Variants in ZCCHC4 observed in about 807,000 individuals in gnomAD.
ZCCHC4 encodes rRNA N(6)-adenosine-methyltransferase ZCCHC4.
ZCCHC4 carries 54 observed loss-of-function variants against 67.7 expected under a neutral mutation model. The ratio of observed to expected loss-of-function variants is 0.80; its 90% CI spans 0.64 to 1.00. ZCCHC4 has a LOEUF of 1.00. Ranked by LOEUF, ZCCHC4 falls within the 50% of genes least tolerant of loss-of-function variation. The pLI is 0.00. For synonymous variants in ZCCHC4, 198 were observed against 213.5 expected (o/e 0.93, Z 0.63); for missense variants, 609 against 617.0 (o/e 0.99, Z 0.14).
intron 12 of ZCCHC4, chr4:25,365,686 T>C: frequency 1.0e-6 from 1 of 985,084 alleles, no homozygotes; most frequent in Non-Finnish European, 1.2e-6. Context: ...TTATTACTTT[T>C]TTTCCTGTGA....
At chr4:25,332,462 C>T (rs1719233631) in intron 3 of ZCCHC4, among the ~76,000 whole-genome samples, 2 of 152,116 alleles carry the variant, frequency 1.3e-5, no homozygotes, top group South Asian at 2.1e-4. Flanking sequence ...TAGCTGGCAT[C>T]ACATGTACAA....
At chr4:25,361,806 A>G (rs780130415) in intron 8 of ZCCHC4, 53 bp from the exon 9 acceptor site, 7 of 1,517,398 alleles carry the variant, frequency 4.6e-6, no homozygotes, top group African/African-American at 2.8e-5. Flanking sequence ...AAGAATCTTA[A>G]TGTTGACTAA....
At position 25,369,090 on chromosome 4, in the gene ZCCHC4, C is replaced by T. The variant is rs1721052486; in HGVS notation, c.1468C>T (p.Gln490Ter). The change falls in exon 13 of 13, where the codon CAA (glutamine) becomes TAA (stop). Residue 490 changes from glutamine to a stop codon, truncating the protein, a stop_gained. Transcript: ENST00000302874. LOFTEE classifies it high-confidence loss of function. ...GATGAAAATGGAGACCACGAAAGGA[C>T]AATCCATGAATCATACATCTGCTAC... ...NKMKMETTKG[Q>*]SMNHTSATRR... is the part of the protein sequence containing the mutation. The T allele has an allele frequency of 1.2e-6, 2 of 1,613,728 alleles. No homozygotes were observed. The highest frequency in any genetic ancestry group is 1.7e-6 in the Non-Finnish European group (2 of 1,179,894).
chr4:25,360,434 T>C (rs1309024309), intron 8 of ZCCHC4, among the ~76,000 whole-genome samples: 2 of 152,238 alleles, frequency 1.3e-5, no homozygotes, highest in African/African-American at 4.8e-5. Flanking sequence ...GTCCCAGCTG[T>C]GGAAGGGAGC....
intron 11 of ZCCHC4, 51 bp downstream of exon 11, chr4:25,364,556 T>C: frequency 1.4e-6 from 2 of 1,409,096 alleles, no homozygotes; most frequent in East Asian, 2.4e-5. Flanking sequence ...TTTTAGAGTT[T>C]TTCTCCATCT....
chr4:25,340,386 A>G (rs1719681074), intron 5 of ZCCHC4, among the ~76,000 whole-genome samples: 1 of 152,196 alleles, frequency 6.6e-6, no homozygotes, highest in Admixed American at 6.5e-5. Context: ...TTACACAGTC[A>G]TGATTACTGT....
At chr4:25,348,816 A>G (rs891475018) in intron 6 of ZCCHC4, among the ~76,000 whole-genome samples, 2 of 152,172 alleles carry the variant, frequency 1.3e-5, no homozygotes, top group African/African-American at 4.8e-5. Context: ...GGTATCTCTT[A>G]ATAACTTCAC....
At chr4:25,343,777 G>A (rs1409162404) in intron 5 of ZCCHC4, among the ~76,000 whole-genome samples, 1 of 152,148 alleles carries the variant, frequency 6.6e-6, no homozygotes, top group Non-Finnish European at 1.5e-5. Context: ...ATTCACCATG[G>A]ATGCTCAATC....
chr4:25,316,376 T>G (rs990088818), intron 3 of ZCCHC4, among the ~76,000 whole-genome samples: 3 of 152,230 alleles, frequency 2.0e-5, no homozygotes, highest in African/African-American at 7.2e-5. Context: ...TGTGTTTAAT[T>G]TTTTGAGGAA....
chr4:25,321,489 C>G lies in ZCCHC4; in HGVS notation c.329+6089C>G, dbSNP rs1009274906. ...TGGGGTTCAAGCGACTCTCCTGCCT[C>G]AGCCTCCCAAGTAGCTGGGATTACA... On this transcript the variant is annotated intron_variant, in intron 3 of 12. Transcript: ENST00000302874. 1.5e-3 allele frequency among the ~76,000 whole-genome samples: 229 copies of G among 152,188 alleles called. 7 individuals are homozygous for G. The highest frequency in any genetic ancestry group is 4.3e-4 in the Non-Finnish European group (29 of 68,026).
chr4:25,356,401 G>A (rs1006200201), intron 8 of ZCCHC4, among the ~76,000 whole-genome samples: 2 of 152,118 alleles, frequency 1.3e-5, no homozygotes, highest in Non-Finnish European at 2.9e-5. Context: ...CTAGCAGCAT[G>A]CATTTTACAT....
At chr4:25,368,970 C>T in intron 12 of ZCCHC4, 59 bp from the exon 13 acceptor site, 2 of 1,546,978 alleles carry the variant, frequency 1.3e-6, no homozygotes, top group Non-Finnish European at 1.7e-6. Context: ...TAAACTTCAA[C>T]ATAATTACAT....
chr4:25,346,026 T>A (rs563375816), intron 6 of ZCCHC4, among the ~76,000 whole-genome samples: 3 of 152,304 alleles, frequency 2.0e-5, no homozygotes, highest in African/African-American at 7.2e-5. Context: ...TCTTTTGCCT[T>A]GATAACCTCC....
At chr4:25,365,894 G>A (rs1720922357) in intron 12 of ZCCHC4, 1 of 983,952 alleles carries the variant, frequency 1.0e-6, no homozygotes, top group Admixed American at 6.2e-5. Flanking sequence ...TAACTAAAAG[G>A]GATGATAGTG....
intron 6 of ZCCHC4, among the ~76,000 whole-genome samples, chr4:25,346,482 A>G (rs1720027383): frequency 6.6e-6 from 1 of 152,218 alleles, no homozygotes; most frequent in Non-Finnish European, 1.5e-5. Context: ...AAAATTCTGA[A>G]CCATGCTTAC....
intron 3 of ZCCHC4, 35 bp from the exon 4 acceptor site, chr4:25,333,148 A>T: frequency 6.3e-7 from 1 of 1,586,228 alleles, no homozygotes; most frequent in Non-Finnish European, 8.6e-7. Flanking sequence ...AATAAACTTA[A>T]AATATATTTC....
At chr4:25,322,734 T>C (rs1489149721) in intron 3 of ZCCHC4, among the ~76,000 whole-genome samples, 1 of 152,164 alleles carries the variant, frequency 6.6e-6, no homozygotes, top group Non-Finnish European at 1.5e-5. Context: ...GTCAGGCTGG[T>C]CTTGAACTCC....
intron 6 of ZCCHC4, among the ~76,000 whole-genome samples, chr4:25,345,977 C>T (rs1484391772): frequency 1.3e-5 from 2 of 152,122 alleles, no homozygotes; most frequent in Non-Finnish European, 2.9e-5. Flanking sequence ...GCCTTTCCAC[C>T]GCAGGGAAGG....
intron 12 of ZCCHC4, 91 bp from the exon 13 acceptor site, chr4:25,368,938 C>T: frequency 7.1e-7 from 1 of 1,399,480 alleles, no homozygotes; most frequent in East Asian, 2.5e-5. Flanking sequence ...CTTCTATTTT[C>T]TTATTTGGTT....
Sources: allele counts gnomAD v4.1 joint callset (sites outside exome capture counted in the v4.1 genomes callset), GRCh38; gene constraint gnomAD v4.1.1; transcripts MANE v1.5; gene names NCBI Gene and HGNC (gene_info 2026-07-23, HGNC 2026-07-21).